Variants in RNLS observed in about 807,000 individuals in gnomAD.
RNLS encodes renalase.
Under a neutral mutation model 39.8 loss-of-function variants are expected in RNLS, and 39 were observed. The observed-to-expected ratio is 0.98, with a 90% CI of 0.76 to 1.28. The LOEUF (loss-of-function observed/expected upper bound fraction) is 1.28. Ranked by LOEUF, RNLS falls within the 50% of genes most tolerant of loss-of-function variation. The pLI, the probability that RNLS is intolerant of heterozygous loss-of-function variation, is 0.00. For synonymous variants in RNLS, 147 were observed against 150.7 expected (o/e 0.98, Z 0.18); for missense variants, 410 against 413.3 (o/e 0.99, Z 0.07).
At chr10:88,250,338 C>T in the RNLS span, among the ~76,000 whole-genome samples, 1 of 152,206 alleles carries the variant, frequency 6.6e-6, no homozygotes, top group Non-Finnish European at 1.5e-5. Flanking sequence ...GCACTTAACA[C>T]CCTGAGAAAA....
chr10:88,477,038 G>A (rs1796403686), intron 4 of RNLS, among the ~76,000 whole-genome samples: 1 of 150,672 alleles, frequency 6.6e-6, no homozygotes, highest in African/African-American at 2.4e-5. Context: ...CAGTTGATCT[G>A]CTATATTATA....
the RNLS span, among the ~76,000 whole-genome samples, chr10:88,203,642 A>G: frequency 6.7e-6 from 1 of 150,112 alleles, no homozygotes; most frequent in African/African-American, 2.4e-5. Context: ...TGGGGGTGAA[A>G]ATAGAAATTT....
intron 4 of RNLS, among the ~76,000 whole-genome samples, chr10:88,571,865 T>C (rs1216220747): frequency 6.6e-6 from 1 of 152,196 alleles, no homozygotes; most frequent in Non-Finnish European, 1.5e-5. Context: ...AATTCTAATT[T>C]GGCCACTGGC....
intron 5 of RNLS, among the ~76,000 whole-genome samples, chr10:88,350,941 A>G (rs563926275): frequency 1.3e-5 from 2 of 152,180 alleles, no homozygotes; most frequent in East Asian, 1.9e-4. Context: ...GTGTGAGATG[A>G]TATCTCATTG....
intron 4 of RNLS, among the ~76,000 whole-genome samples, chr10:88,504,578 G>A (rs1487531994): frequency 6.6e-6 from 1 of 151,946 alleles, no homozygotes; most frequent in South Asian, 2.1e-4. Flanking sequence ...AATTAAAATA[G>A]TTGGAAAAAG....
chr10:88,285,527 T>C (rs1395476664), intron 6 of RNLS, 21 bp from the exon 7 acceptor site: 12 of 1,606,382 alleles, frequency 7.5e-6, no homozygotes, highest in Non-Finnish European at 9.4e-6. Flanking sequence ...AAAAAGAGGA[T>C]TGCAATTGAC....
the RNLS span, among the ~76,000 whole-genome samples, chr10:88,197,941 G>T: frequency 6.6e-6 from 1 of 152,198 alleles, no homozygotes; most frequent in African/African-American, 2.4e-5. Flanking sequence ...AGTTTCCATT[G>T]TTTAAACCAC....
intron 4 of RNLS, among the ~76,000 whole-genome samples, chr10:88,401,073 T>C (rs1852884508): frequency 6.6e-6 from 1 of 151,900 alleles, no homozygotes; most frequent in Non-Finnish European, 1.5e-5. Context: ...GTTCTCCCAA[T>C]TTCCCCCCTA....
At chr10:88,366,242 T>C (rs1850090972) in intron 4 of RNLS, among the ~76,000 whole-genome samples, 1 of 152,076 alleles carries the variant, frequency 6.6e-6, no homozygotes, top group Non-Finnish European at 1.5e-5. Context: ...AGGATTTTAC[T>C]TGGATTTACA....
chr10:88,203,103 T>C, the RNLS span, among the ~76,000 whole-genome samples: 1 of 151,148 alleles, frequency 6.6e-6, no homozygotes, highest in Non-Finnish European at 1.5e-5. Flanking sequence ...AGAGACTAAA[T>C]AGTTTTCCAA....
At chr10:88,450,049 A>G (rs1383287883) in intron 4 of RNLS, among the ~76,000 whole-genome samples, 1 of 152,030 alleles carries the variant, frequency 6.6e-6, no homozygotes, top group African/African-American at 2.4e-5. Context: ...AAAAAAAAAA[A>G]GATCTGTAAG....
At chr10:88,235,027 C>T in the RNLS span, among the ~76,000 whole-genome samples, 3 of 151,678 alleles carry the variant, frequency 2.0e-5, no homozygotes, top group African/African-American at 4.8e-5. Context: ...TTTGGGAGGC[C>T]GAGGCGGGTG....
rs187128919 is a variant in RNLS at position 88,444,550 on chromosome 10, C to T, written c.527-81825G>A. On this transcript the variant is annotated intron_variant, in intron 4 of 6. Coordinates refer to ENST00000331772, the MANE Select transcript of RNLS (RefSeq NM_001031709.3). Reference sequence around the variant, plus strand: ...GCTAAAGGAGGAAGTTTGAACCCAACGCAAAGAAGCTAAAAACCTTGAAAA... The same window carrying T: ...GCTAAAGGAGGAAGTTTGAACCCAATGCAAAGAAGCTAAAAACCTTGAAAA... Among the ~76,000 whole-genome samples the T allele has an allele frequency of 2.6e-3, 391 of 152,108 alleles. 2 individuals are homozygous for T. Among genetic ancestry groups the T allele is most frequent in the African/African-American group, 8.3e-3 (343 of 41,474 alleles).
chr10:88,344,366 A>G (rs1259303895), intron 5 of RNLS, among the ~76,000 whole-genome samples: 1 of 152,164 alleles, frequency 6.6e-6, no homozygotes, highest in East Asian at 1.9e-4. Context: ...TTTATTTATG[A>G]TAGTGTCAAA....
intron 4 of RNLS, among the ~76,000 whole-genome samples, chr10:88,420,052 AAATAAATGAATG>A (rs1194942473): frequency 0.022 from 1,242 of 57,356 alleles, 13 homozygotes; most frequent in Non-Finnish European, 0.037. Context: ...ATAAATAAAT[AAATAAATGAATG>A]AATAAATAAA....
intron 5 of RNLS, among the ~76,000 whole-genome samples, chr10:88,337,309 T>C (rs893088559): frequency 1.3e-5 from 2 of 152,144 alleles, no homozygotes; most frequent in Non-Finnish European, 2.9e-5. Context: ...GTCTGTGTGG[T>C]GGATGTCAGC....
chr10:88,506,230 TTTAGA>T (rs879380294), intron 4 of RNLS, among the ~76,000 whole-genome samples: 5 of 152,122 alleles, frequency 3.3e-5, no homozygotes, highest in Non-Finnish European at 5.9e-5. Flanking sequence ...GGAAGGAAAC[TTTAGA>T]TTAAACTAAA....
chr10:88,204,056 C>A, the RNLS span, among the ~76,000 whole-genome samples: 6 of 152,032 alleles, frequency 3.9e-5, no homozygotes, highest in Non-Finnish European at 7.4e-5. Flanking sequence ...TTACACCAAG[C>A]CAGTAAATAG....
the RNLS span, among the ~76,000 whole-genome samples, chr10:88,207,531 G>T: frequency 1.3e-5 from 2 of 152,172 alleles, no homozygotes; most frequent in Non-Finnish European, 2.9e-5. Flanking sequence ...GCTATACCAA[G>T]TGTTAGCAAG....
Sources: allele counts gnomAD v4.1 joint callset (sites outside exome capture counted in the v4.1 genomes callset), GRCh38; gene constraint gnomAD v4.1.1; transcripts MANE v1.5; gene names NCBI Gene and HGNC (gene_info 2026-07-23, HGNC 2026-07-21).